Variants in CEP85L observed in about 807,000 individuals in gnomAD.
CEP85L encodes the protein centrosomal protein of 85 kDa-like.
CEP85L carries 60 observed loss-of-function variants against 100.3 expected under a neutral mutation model. The observed-to-expected ratio is 0.60, with a 90% CI of 0.49 to 0.74. The LOEUF is 0.74. CEP85L is among the 30% of genes least tolerant of loss of function. CEP85L has a pLI of 0.00. For missense variants in CEP85L, 973 were observed against 936.2 expected (o/e 1.04, Z -0.51); for synonymous variants, 319 against 322.7 (o/e 0.99, Z 0.12).
chr6:118,582,615 T>G (rs1232768219), intron 2 of CEP85L, among the ~76,000 whole-genome samples: 1 of 152,196 alleles, frequency 6.6e-6, no homozygotes, highest in Non-Finnish European at 1.5e-5. Context: ...AAGCACTTCT[T>G]AAGGTCTATG....
At chr6:118,490,566 C>T (rs1774488393) in intron 6 of CEP85L, among the ~76,000 whole-genome samples, 1 of 152,026 alleles carries the variant, frequency 6.6e-6, no homozygotes, top group Admixed American at 6.6e-5. Flanking sequence ...CTGTACAAAC[C>T]CTATGATCCA....
chr6:118,488,005 C>CA (rs111625601), intron 6 of CEP85L, among the ~76,000 whole-genome samples: 4,732 of 144,930 alleles, frequency 0.033, 238 homozygotes, highest in African/African-American at 0.11. Context: ...ATGCTAAGAA[C>CA]AAAAAAAAAA....
At chr6:118,532,104 C>G (rs112963929) in intron 3 of CEP85L, among the ~76,000 whole-genome samples, 1 of 151,996 alleles carries the variant, frequency 6.6e-6, no homozygotes, top group Non-Finnish European at 1.5e-5. Context: ...AACCTAAATG[C>G]CCATCAACAG....
At chr6:118,652,672 A>C (rs1775634105), upstream of CEP85L, 1 of 1,530,666 alleles carries the variant, frequency 6.5e-7, no homozygotes, top group African/African-American at 1.4e-5. Context: ...AAGTTAAATT[A>C]GATTTAGGTG....
intron 2 of CEP85L, among the ~76,000 whole-genome samples, chr6:118,623,101 G>A (rs1773559001): frequency 2.6e-5 from 4 of 152,188 alleles, no homozygotes; most frequent in Admixed American, 2.6e-4. Flanking sequence ...CTTTCATACA[G>A]GTTTTGAAAG....
At chr6:118,533,634 G>A in intron 3 of CEP85L, among the ~76,000 whole-genome samples, 1 of 151,940 alleles carries the variant, frequency 6.6e-6, no homozygotes, top group Non-Finnish European at 1.5e-5. Flanking sequence ...AACAAAACCA[G>A]ACAAGACAGT....
intron 3 of CEP85L, among the ~76,000 whole-genome samples, chr6:118,541,206 G>A (rs1777886756): frequency 6.6e-6 from 1 of 152,176 alleles, no homozygotes; most frequent in Non-Finnish European, 1.5e-5. Context: ...TGATCCTAAT[G>A]TTGGTCCTGG....
chr6:118,678,969 C>G (rs1776564579), intron 1 of CEP85L, among the ~76,000 whole-genome samples: 1 of 152,226 alleles, frequency 6.6e-6, no homozygotes, highest in Non-Finnish European at 1.5e-5. Flanking sequence ...TCTCCCCACT[C>G]TTTACTCCCT....
At chr6:118,574,977 G>A (rs943349851) in intron 2 of CEP85L, among the ~76,000 whole-genome samples, 1 of 152,104 alleles carries the variant, frequency 6.6e-6, no homozygotes, top group Non-Finnish European at 1.5e-5. Flanking sequence ...AGTTGGTTGG[G>A]GGGCGGGGGC....
intron 6 of CEP85L, among the ~76,000 whole-genome samples, chr6:118,487,487 T>A (rs553511998): frequency 3.7e-4 from 56 of 152,304 alleles, no homozygotes; most frequent in African/African-American, 1.3e-3. Context: ...AATTCCCTTT[T>A]TAAGAAATCC....
intron 1 of CEP85L, among the ~76,000 whole-genome samples, chr6:118,650,751 G>T (rs1775499181): frequency 6.6e-6 from 1 of 152,174 alleles, no homozygotes. Flanking sequence ...AAGTCGGGAG[G>T]GCGCGGAACT....
chr6:118,494,174 TAG>T (rs1774771063), intron 5 of CEP85L, among the ~76,000 whole-genome samples: 1 of 152,120 alleles, frequency 6.6e-6, no homozygotes, highest in South Asian at 2.1e-4. Context: ...AATGAATTGC[TAG>T]AGACTTGGAG....
intron 3 of CEP85L, among the ~76,000 whole-genome samples, chr6:118,541,053 G>GA (rs942833933): frequency 1.5e-4 from 23 of 151,696 alleles, no homozygotes; most frequent in African/African-American, 4.8e-4. Flanking sequence ...TTAGCTAAGG[G>GA]AAAAAAAATC....
At position 118,532,240 on chromosome 6, in the gene CEP85L, G is replaced by A. The variant is rs540953190; in HGVS notation, c.1021-8320C>T. Among the ~76,000 whole-genome samples the A allele has an allele frequency of 3.9e-5, 6 of 152,134 alleles. No homozygotes were observed. In the South Asian group the frequency reaches 1.2e-3, roughly 32 times the overall value. ...TGGATGGAGTAGGCCATTATCCTAAGAGAACTAACATAGGAACAGAAAACA... is the reference window on the plus strand; with the variant it reads ...TGGATGGAGTAGGCCATTATCCTAAAAGAACTAACATAGGAACAGAAAACA... On this transcript the variant is annotated intron_variant, in intron 3 of 12. Coordinates refer to ENST00000368491, the MANE Select transcript of CEP85L (RefSeq NM_001042475.3).
At chr6:118,620,365 C>T (rs1773360542) in intron 2 of CEP85L, among the ~76,000 whole-genome samples, 1 of 152,160 alleles carries the variant, frequency 6.6e-6, no homozygotes, top group Non-Finnish European at 1.5e-5. Flanking sequence ...AGAAAGACCG[C>T]AGCCTTGGTC....
chr6:118,572,382 C>T (rs753739528), intron 2 of CEP85L, among the ~76,000 whole-genome samples: 46 of 151,134 alleles, frequency 3.0e-4, no homozygotes, highest in Non-Finnish European at 5.0e-4. Flanking sequence ...CGTGAAACCC[C>T]GTCTCTACTT....
At chr6:118,568,447 T>C (rs1031929486) in intron 2 of CEP85L, among the ~76,000 whole-genome samples, 3 of 152,174 alleles carry the variant, frequency 2.0e-5, no homozygotes, top group Non-Finnish European at 4.4e-5. Context: ...TGTGGCTGTA[T>C]AACAAGAAAA....
chr6:118,608,494 C>CAA (rs879712879), intron 2 of CEP85L, among the ~76,000 whole-genome samples: 8 of 134,566 alleles, frequency 5.9e-5, no homozygotes, highest in African/African-American at 1.9e-4. Context: ...GATTCCATCT[C>CAA]AAAAAAAAAA....
intron 2 of CEP85L, among the ~76,000 whole-genome samples, chr6:118,616,766 G>A (rs1583173445): frequency 6.6e-6 from 1 of 151,672 alleles, no homozygotes; most frequent in East Asian, 1.9e-4. Flanking sequence ...CCAACATGGT[G>A]AAACGCTGTC....
Sources: allele counts gnomAD v4.1 joint callset (sites outside exome capture counted in the v4.1 genomes callset), GRCh38; gene constraint gnomAD v4.1.1; transcripts MANE v1.5; gene names NCBI Gene and HGNC (gene_info 2026-07-23, HGNC 2026-07-21).